The following DGKB variants were observed in gnomAD, a reference collection of about 807,000 sequenced individuals.
The protein encoded by DGKB is diacylglycerol kinase beta.
In DGKB, 67 loss-of-function variants were observed where a neutral mutation model predicts 114.3. The observed-to-expected ratio is 0.59, with a 90% CI of 0.48 to 0.72. The LOEUF (loss-of-function observed/expected upper bound fraction) is 0.72. Among genes scored for constraint, DGKB ranks in the 30% least tolerant of loss-of-function variants. DGKB has a pLI of 0.00. For missense variants in DGKB, 907 were observed against 975.2 expected (o/e 0.93, Z 0.93); for synonymous variants, 398 against 323.1 (o/e 1.23, Z -2.49).
At chr7:14,420,217 G>C (rs1356126993) in intron 21 of DGKB, among the ~76,000 whole-genome samples, 1 of 151,322 alleles carries the variant, frequency 6.6e-6, no homozygotes, top group Non-Finnish European at 1.5e-5. Flanking sequence ...TATGTATTCT[G>C]TTTATATTTT....
At chr7:14,893,628 T>A (rs1183297287) in intron 1 of DGKB, among the ~76,000 whole-genome samples, 2 of 151,332 alleles carry the variant, frequency 1.3e-5, no homozygotes, top group Non-Finnish European at 3.0e-5. Context: ...TATAGCCAAC[T>A]GTTCACTCTA....
chr7:14,489,215 T>G (rs1341769863), intron 20 of DGKB, among the ~76,000 whole-genome samples: 1 of 152,168 alleles, frequency 6.6e-6, no homozygotes, highest in African/African-American at 2.4e-5. Context: ...CATTCCTCTT[T>G]CCCAATTAGA....
chr7:14,673,400 C>CTTTT (rs374138480), intron 12 of DGKB, among the ~76,000 whole-genome samples: 2 of 131,080 alleles, frequency 1.5e-5, no homozygotes, highest in African/African-American at 2.8e-5. Flanking sequence ...CCTGTGTATG[C>CTTTT]TTTTTTTTTT....
intron 20 of DGKB, among the ~76,000 whole-genome samples, chr7:14,524,160 T>G (rs1790248302): frequency 6.6e-6 from 1 of 152,198 alleles, no homozygotes; most frequent in Non-Finnish European, 1.5e-5. Flanking sequence ...TGTGTTATAT[T>G]CAGAATATAA....
chr7:14,508,291 A>C (rs1787418837), intron 20 of DGKB, among the ~76,000 whole-genome samples: 1 of 152,184 alleles, frequency 6.6e-6, no homozygotes, highest in Non-Finnish European at 1.5e-5. Context: ...TGATCAAAAA[A>C]ATTTATTGTG....
intron 20 of DGKB, among the ~76,000 whole-genome samples, chr7:14,490,520 G>A (rs1784453196): frequency 6.6e-6 from 1 of 152,118 alleles, no homozygotes; most frequent in African/African-American, 2.4e-5. Context: ...TATCTAGACA[G>A]AGGTCCATTC....
chr7:14,188,919 A>G (rs1376027931), intron 23 of DGKB, among the ~76,000 whole-genome samples: 1 of 152,148 alleles, frequency 6.6e-6, no homozygotes, highest in Non-Finnish European at 1.5e-5. Flanking sequence ...TCAGTTGAGA[A>G]TATTATATAA....
chr7:14,338,322 A>C (rs1811043790), intron 23 of DGKB, among the ~76,000 whole-genome samples, 193 bp downstream of exon 23: 1 of 152,118 alleles, frequency 6.6e-6, no homozygotes, highest in Non-Finnish European at 1.5e-5. Flanking sequence ...ATAACGAAAA[A>C]TGTAGCCAAT....
intron 13 of DGKB, among the ~76,000 whole-genome samples, chr7:14,649,631 A>G (rs934328742): frequency 6.6e-6 from 1 of 151,102 alleles, no homozygotes; most frequent in African/African-American, 2.4e-5. Flanking sequence ...ACAGGATCAA[A>G]TTCACACATA....
intron 25 of DGKB, among the ~76,000 whole-genome samples, chr7:14,163,959 C>G (rs567366987): frequency 6.6e-6 from 1 of 151,896 alleles, no homozygotes; most frequent in East Asian, 1.9e-4. Context: ...CATGCCATTG[C>G]ACACCTGCCT....
chr7:14,222,797 A>G (rs1194847876), intron 23 of DGKB, among the ~76,000 whole-genome samples: 1 of 151,160 alleles, frequency 6.6e-6, no homozygotes, highest in Non-Finnish European at 1.5e-5. Context: ...TTCTCCTTCC[A>G]CTTCTGTCAT....
chr7:14,926,954 G>C (rs761099929), intron 1 of DGKB, among the ~76,000 whole-genome samples: 5 of 151,936 alleles, frequency 3.3e-5, no homozygotes, highest in Non-Finnish European at 7.4e-5. Context: ...CCTTTCATTT[G>C]AATATAATTC....
At chr7:14,181,505 A>C (rs1474287540) in intron 23 of DGKB, among the ~76,000 whole-genome samples, 2 of 152,200 alleles carry the variant, frequency 1.3e-5, no homozygotes, top group Non-Finnish European at 2.9e-5. Flanking sequence ...GAACACCAAA[A>C]GTTTCCAAAT....
intron 12 of DGKB, among the ~76,000 whole-genome samples, chr7:14,675,063 T>G (rs1010742950): frequency 6.6e-6 from 1 of 152,168 alleles, no homozygotes; most frequent in Non-Finnish European, 1.5e-5. Flanking sequence ...GCTTTGGCTC[T>G]TTAATCTTGG....
intron 25 of DGKB, among the ~76,000 whole-genome samples, chr7:14,158,483 C>A (rs903623709): frequency 1.1e-4 from 16 of 152,180 alleles, no homozygotes; most frequent in Non-Finnish European, 2.2e-4. Flanking sequence ...CTCACACTGT[C>A]TTATTAGAAG....
In DGKB at chr7:14,576,970, T is replaced by G. The variant is rs1799217995; in HGVS notation, c.1610-2598A>C. ...TAAACTCTGAACTGTAGTCCCCCAT[T>G]TAACAAATATCTTTTCCCTACTTCT... On this transcript the variant is annotated intron_variant, in intron 19 of 25. Transcript: ENST00000402815. Among the ~76,000 whole-genome samples the G allele has an allele frequency of 2.0e-5, 3 of 152,276 alleles. 1 individual carries two copies. In the South Asian group the frequency reaches 6.2e-4, roughly 32 times the overall value.
At chr7:14,727,713 T>C (rs2128376821) in intron 5 of DGKB, among the ~76,000 whole-genome samples, 1 of 152,274 alleles carries the variant, frequency 6.6e-6, no homozygotes. Context: ...TCAGTTTGTG[T>C]TTTGGGGACC....
chr7:14,933,976 C>T (rs1183973056), intron 1 of DGKB, among the ~76,000 whole-genome samples: 1 of 152,116 alleles, frequency 6.6e-6, no homozygotes, highest in African/African-American at 2.4e-5. Context: ...GAAATCCACC[C>T]ATTGAGTCTG....
At chr7:14,478,962 A>G (rs1210743858) in intron 20 of DGKB, among the ~76,000 whole-genome samples, 1 of 152,098 alleles carries the variant, frequency 6.6e-6, no homozygotes, top group African/African-American at 2.4e-5. Flanking sequence ...ATCATACTCA[A>G]TGTGTGAGAC....
Sources: allele counts gnomAD v4.1 joint callset (sites outside exome capture counted in the v4.1 genomes callset), GRCh38; gene constraint gnomAD v4.1.1; transcripts MANE v1.5; gene names NCBI Gene and HGNC (gene_info 2026-07-23, HGNC 2026-07-21).